The following UBQLN4 variants were observed in gnomAD, a reference collection of about 807,000 sequenced individuals.
UBQLN4 encodes ubiquilin 4.
UBQLN4 carries 11 observed loss-of-function variants against 60.4 expected under a neutral mutation model. That is an observed-to-expected ratio of 0.18 (90% confidence interval 0.11 to 0.30). The LOEUF is 0.30. Ranked by LOEUF, UBQLN4 falls within the 10% of genes least tolerant of loss-of-function variation. The pLI, the probability that UBQLN4 is intolerant of heterozygous loss-of-function variation, is 1.00. For missense variants in UBQLN4, 417 were observed against 795.5 expected, an observed-to-expected ratio of 0.52 and a Z score of 5.72; for synonymous variants, 258 against 313.1, an observed-to-expected ratio of 0.82 and a Z score of 1.86.
chr1:156,050,581 T>G lies in UBQLN4; in HGVS notation c.479-28A>C, dbSNP rs1049577053. The G allele has an allele frequency of 3.2e-6, 5 of 1,585,086 alleles. No individual in the cohort carries two copies. Among genetic ancestry groups the G allele is most frequent in the Non-Finnish European group, 4.3e-6 (5 of 1,164,282 alleles). Reference sequence around the variant, plus strand: ...GTGGGAAGGGGGCAGGGTCACAGTCTGCCACAAGAACAGTGTCCTCACTTA... The same window carrying G: ...GTGGGAAGGGGGCAGGGTCACAGTCGGCCACAAGAACAGTGTCCTCACTTA... On this transcript the variant is annotated intron_variant, in intron 3 of 10. Coordinates refer to ENST00000368309, the MANE Select transcript of UBQLN4 (RefSeq NM_020131.5). This position sits in a 1 kb window ranked among gnomAD's most constrained non-coding sequence, Gnocchi z 4.6.
At chr1:156,037,243 G>A (rs1397171971) in intron 10 of UBQLN4, 113 bp from the exon 11 acceptor site, 3 of 1,357,412 alleles carry the variant, frequency 2.2e-6, no homozygotes, top group Non-Finnish European at 3.0e-6. Context: ...AGTCAATCAG[G>A]AGGGCAGGGA....
At chr1:156,045,772 TA>T (rs767813808) in intron 5 of UBQLN4, among the ~76,000 whole-genome samples, 3 of 152,230 alleles carry the variant, frequency 2.0e-5, no homozygotes, top group Admixed American at 6.5e-5. Flanking sequence ...AACAAGTCCA[TA>T]CTTTCCTCTA....
At position 156,050,183 on chromosome 1, in the gene UBQLN4, C is replaced by G; in HGVS notation, c.741+108G>C. ...ATCCCTGTACCTCCAGTGTTCAAAA[C>G]TGCTGAATACACGAATGAACAAATC... On this transcript the variant is annotated intron_variant, in intron 4 of 10. Transcript: ENST00000368309. The surrounding 1 kb of genome is among the most constrained non-coding windows in gnomAD (Gnocchi z 4.6). 7.0e-6 allele frequency: 10 copies of G among 1,419,130 alleles called. No individual in the cohort carries two copies. Among genetic ancestry groups the G allele is most frequent in the Non-Finnish European group, 9.3e-6 (10 of 1,069,690 alleles). 87.9% of individuals were successfully genotyped at this position (1,419,130 alleles called of 1,614,324 possible).
chr1:156,048,440 G>T lies in UBQLN4; in HGVS notation c.900+61C>A. On this transcript the variant is annotated intron_variant, in intron 5 of 10. Transcript: ENST00000368309. This position sits in a 1 kb window ranked among gnomAD's most constrained non-coding sequence, Gnocchi z 4.9. Reference sequence around the variant, plus strand: ...AAGAGCAGGCCCAGGTTTGCCTGGGGTGGGGGTAGGGAATCTCGAGCCCAG... The same window carrying T: ...AAGAGCAGGCCCAGGTTTGCCTGGGTTGGGGGTAGGGAATCTCGAGCCCAG... The T allele has an allele frequency of 6.5e-7, 1 of 1,545,954 alleles. No individual in the cohort carries two copies. Among genetic ancestry groups the T allele is most frequent in the Non-Finnish European group, 8.8e-7 (1 of 1,137,660 alleles).
At chr1:156,046,963 C>T (rs1380753470) in intron 5 of UBQLN4, among the ~76,000 whole-genome samples, 3 of 151,822 alleles carry the variant, frequency 2.0e-5, no homozygotes, top group Non-Finnish European at 2.9e-5. Context: ...ATGATAAACC[C>T]CAACTTCAAC....
In UBQLN4 at chr1:156,048,102, C is replaced by T. The variant is rs1683764897; in HGVS notation, c.900+399G>A. Among the ~76,000 whole-genome samples the T allele has an allele frequency of 6.6e-6, 1 of 151,996 alleles. No individual in the cohort carries two copies. The highest frequency in any genetic ancestry group is 2.4e-5 in the African/African-American group (1 of 41,344). On this transcript the variant is annotated intron_variant, in intron 5 of 10. Transcript: ENST00000368309. The surrounding 1 kb of genome is among the most constrained non-coding windows in gnomAD (Gnocchi z 4.9). Reference sequence around the variant, plus strand: ...CCCCAGAAATGGATTCAATAAGTAGCTCAAAGGTGGGGACCAGGATTCTCA... The same window carrying T: ...CCCCAGAAATGGATTCAATAAGTAGTTCAAAGGTGGGGACCAGGATTCTCA...
intron 1 of UBQLN4, among the ~76,000 whole-genome samples, chr1:156,052,342 C>T (rs996788199): frequency 1.3e-5 from 2 of 152,138 alleles, no homozygotes; most frequent in African/African-American, 2.4e-5. Context: ...TTATTTTTAT[C>T]TTGAGATGGA....
chr1:156,042,133 C>T lies in UBQLN4; in HGVS notation c.1350+20G>A, dbSNP rs1683583918. On this transcript the variant is annotated intron_variant, in intron 8 of 10. Coordinates refer to ENST00000368309, the MANE Select transcript of UBQLN4 (RefSeq NM_020131.5). ...CTACCCCTTGCCCTCAACCTCCACC[C>T]ATCTAGGCTCCTCACTCACCTGCTG... 1 of 1,605,990 alleles carries T rather than the reference C, an allele frequency of 6.2e-7. No individual in the cohort carries two copies. Among genetic ancestry groups the T allele is most frequent in the East Asian group, 2.2e-5 (1 of 44,678 alleles).
downstream of UBQLN4, among the ~76,000 whole-genome samples, chr1:156,031,871 A>T (rs1683304366): frequency 6.6e-6 from 1 of 152,060 alleles, no homozygotes; most frequent in Admixed American, 6.6e-5. Flanking sequence ...GAGCTCTGAC[A>T]CACAATAAAC....
In UBQLN4 at chr1:156,051,373, A is replaced by T. The variant is rs776598221; in HGVS notation, c.261-46T>A. On this transcript the variant is annotated intron_variant, in intron 2 of 10. Coordinates refer to ENST00000368309, the MANE Select transcript of UBQLN4 (RefSeq NM_020131.5). ...ATCCTGTTGGAGTGAGCACTAGAAGAGGGAAGGTACCGTGACAATCTCTGT... is the reference window on the plus strand; with the variant it reads ...ATCCTGTTGGAGTGAGCACTAGAAGTGGGAAGGTACCGTGACAATCTCTGT... 9 of 1,541,550 alleles carry T rather than the reference A, an allele frequency of 5.8e-6. No homozygotes were observed. The South Asian group carries it at 1.1e-4, about 18-fold the overall frequency.
chr1:156,041,346 TA>T (rs1407189656), intron 10 of UBQLN4, 138 bp downstream of exon 10: 1 of 893,104 alleles, frequency 1.1e-6, no homozygotes, highest in Admixed American at 3.5e-5. Flanking sequence ...GGAGCATCAG[TA>T]ACCTGCCCAA....
In UBQLN4 at chr1:156,048,706, C is replaced by T. The variant is rs768138962; in HGVS notation, c.742-47G>A. 1 of 1,591,962 alleles carries T rather than the reference C, an allele frequency of 6.3e-7. No individual in the cohort carries two copies. The highest frequency in any genetic ancestry group is 8.6e-7 in the Non-Finnish European group (1 of 1,163,446). ...AATGGGCCCCGGAACCAGGGGAGCACCAACCTAGGAAAAGGGTGGGCCTTG... is the reference window on the plus strand; with the variant it reads ...AATGGGCCCCGGAACCAGGGGAGCATCAACCTAGGAAAAGGGTGGGCCTTG... On this transcript the variant is annotated intron_variant, in intron 4 of 10. Coordinates refer to ENST00000368309, the MANE Select transcript of UBQLN4 (RefSeq NM_020131.5). The surrounding 1 kb of genome is among the most constrained non-coding windows in gnomAD (Gnocchi z 4.9).
chr1:156,041,655 T>G lies in UBQLN4; in HGVS notation c.1483A>C (p.Ile495Leu). 1 of 1,561,192 alleles carries G rather than the reference T, an allele frequency of 6.4e-7. No individual in the cohort carries two copies. Among genetic ancestry groups the G allele is most frequent in the Non-Finnish European group, 8.7e-7 (1 of 1,153,774 alleles). The change falls in exon 10 of 11, where the codon ATA (isoleucine) becomes CTA (leucine). Residue 495 changes from isoleucine (I) to leucine (L), a missense_variant. Physicochemically the swap from Ile to Leu is conservative, Grantham distance 5. Transcript: ENST00000368309. The part of the protein sequence containing the change: ...GLVPSLGSFG[I>L]SRTPAPSAGS... ...GCTGAGGGTGCTGGGGTCCGGGATA[T>G]CCCAAAGGAGCCAAGGCTGTAGGCA...
chr1:156,053,540 T>A, intron 1 of UBQLN4, 54 bp downstream of exon 1: 4 of 920,476 alleles, frequency 4.3e-6, no homozygotes, highest in Non-Finnish European at 5.5e-6. Context: ...AGGCCCCCCA[T>A]CTCTTCGCAG....
downstream of UBQLN4, chr1:156,035,167 C>T (rs1683370638): frequency 2.4e-6 from 2 of 837,468 alleles, no homozygotes; most frequent in Non-Finnish European, 2.9e-6. Context: ...ATCTCAGCCA[C>T]TTTTAATATT....
chr1:156,043,867 G>C, intron 6 of UBQLN4, 131 bp downstream of exon 6: 1 of 1,012,346 alleles, frequency 9.9e-7, no homozygotes, highest in South Asian at 1.5e-5. Flanking sequence ...CCAGACGGCA[G>C]AGCCCCCTCT....
chr1:156,041,106 C>G (rs1406334063), intron 10 of UBQLN4, among the ~76,000 whole-genome samples: 1 of 152,172 alleles, frequency 6.6e-6, no homozygotes, highest in Non-Finnish European at 1.5e-5. Context: ...GCTTCATTAT[C>G]TACTAGCTAT....
At chr1:156,049,910 C>T (rs541664327) in intron 4 of UBQLN4, among the ~76,000 whole-genome samples, 4 of 152,242 alleles carry the variant, frequency 2.6e-5, no homozygotes, top group Admixed American at 2.0e-4. Flanking sequence ...TATTTGCTGT[C>T]CCTCAGCCCT....
At chr1:156,037,486 C>G (rs775302623) in intron 10 of UBQLN4, among the ~76,000 whole-genome samples, 11 of 152,136 alleles carry the variant, frequency 7.2e-5, no homozygotes, top group Non-Finnish European at 1.3e-4. Context: ...GTCCCAGCTA[C>G]TCAGGAGGCT....
Sources: allele counts gnomAD v4.1 joint callset (sites outside exome capture counted in the v4.1 genomes callset), GRCh38; gene constraint gnomAD v4.1.1; non-coding constraint Gnocchi (gnomAD v3.1); transcripts MANE v1.5; gene names NCBI Gene and HGNC (gene_info 2026-07-23, HGNC 2026-07-21).